Variants in LIFR observed in about 807,000 individuals in gnomAD.
LIFR encodes the protein LIF receptor subunit alpha.
A neutral mutation model predicts 122.2 loss-of-function variants in LIFR; 84 were observed. The observed-to-expected ratio is 0.69, with a 90% confidence interval of 0.58 to 0.82. The LOEUF (loss-of-function observed/expected upper bound fraction) is 0.82. Ranked by LOEUF, LIFR falls within the 40% of genes least tolerant of loss-of-function variation. The probability of loss-of-function intolerance (pLI) is 0.00; values close to 1 mark genes in which losing one functional copy is unlikely to be tolerated. For synonymous variants in LIFR, 422 were observed against 434.7 expected (o/e 0.97, Z 0.36); for missense variants, 1,294 against 1,311.6 (o/e 0.99, Z 0.21).
At chr5:38,491,699 A>G (rs534693172) in intron 14 of LIFR, among the ~76,000 whole-genome samples, 1 of 152,236 alleles carries the variant, frequency 6.6e-6, no homozygotes, top group Admixed American at 6.5e-5. Context: ...CATACAACCC[A>G]AGAAAAACTG....
At chr5:38,525,850 T>C (rs1746649845) in intron 4 of LIFR, among the ~76,000 whole-genome samples, 1 of 152,180 alleles carries the variant, frequency 6.6e-6, no homozygotes, top group African/African-American at 2.4e-5. Flanking sequence ...TGTAGTAACT[T>C]ACAATTTATG....
At chr5:38,514,684 C>A (rs375983674) in intron 5 of LIFR, among the ~76,000 whole-genome samples, 1 of 152,178 alleles carries the variant, frequency 6.6e-6, no homozygotes, top group African/African-American at 2.4e-5. Flanking sequence ...CTCTATTCAT[C>A]GCTCCACATC....
intron 17 of LIFR, among the ~76,000 whole-genome samples, chr5:38,485,124 G>A (rs116290053): frequency 6.9e-4 from 105 of 152,266 alleles, no homozygotes; most frequent in African/African-American, 2.4e-3. Flanking sequence ...ATCTTCACTA[G>A]AGGATCAGGG....
At chr5:38,507,085 C>T (rs1368392770) in intron 7 of LIFR, among the ~76,000 whole-genome samples, 1 of 152,062 alleles carries the variant, frequency 6.6e-6, no homozygotes, top group African/African-American at 2.4e-5. Flanking sequence ...TTTCAGAGTT[C>T]TAAAATACAT....
At chr5:38,522,563 C>T (rs1746458880) in intron 5 of LIFR, among the ~76,000 whole-genome samples, 1 of 152,108 alleles carries the variant, frequency 6.6e-6, no homozygotes, top group African/African-American at 2.4e-5. Context: ...CAATATATTA[C>T]AATTGCCTCC....
chr5:38,494,520 TG>T (rs151147040), intron 13 of LIFR, among the ~76,000 whole-genome samples: 1,875 of 152,182 alleles, frequency 0.012, 37 homozygotes, highest in African/African-American at 0.042. Flanking sequence ...GGCAAGGTTT[TG>T]TTTCCCTGTC....
At chr5:38,546,920 A>G (rs1273715206) in intron 1 of LIFR, among the ~76,000 whole-genome samples, 2 of 152,228 alleles carry the variant, frequency 1.3e-5, no homozygotes, top group Non-Finnish European at 2.9e-5. Context: ...GCTGGCCTTC[A>G]GGAAAGGGTG....
chr5:38,491,149 T>G (rs1346950106), intron 14 of LIFR, among the ~76,000 whole-genome samples: 1 of 152,198 alleles, frequency 6.6e-6, no homozygotes, highest in East Asian at 1.9e-4. Context: ...TTGGGTGAGT[T>G]AACTCCACAA....
intron 1 of LIFR, among the ~76,000 whole-genome samples, chr5:38,542,182 T>C (rs1229984032): frequency 2.0e-5 from 3 of 152,196 alleles, no homozygotes; most frequent in Non-Finnish European, 2.9e-5. Context: ...AAATCCCATC[T>C]CACCATAAGT....
rs567027526 is a variant in LIFR, at chr5:38,477,334, CATTTTCTTCTATGAAA to C, written c.*4245_*4260del. On this transcript the variant is annotated 3_prime_UTR_variant, in exon 20 of 20. Coordinates refer to ENST00000453190, the MANE Select transcript of LIFR (RefSeq NM_001127671.2). ...ATGTTCTGTAACTTTGGCCATAAAT[CATTTTCTTCTATGAAA>C]ATTTTCTTCTAGAATAAATAAGATG... 47 of 216,950 alleles carry C rather than the reference CATTTTCTTCTATGAAA, an allele frequency of 2.2e-4. No individual in the cohort carries two copies. Among genetic ancestry groups the C allele is most frequent in the South Asian group, 1.9e-4 (1 of 5,392 alleles). 13.4% of individuals were successfully genotyped at this position (216,950 alleles called of 1,614,324 possible).
At chr5:38,530,699 A>C in intron 1 of LIFR, 33 bp from the exon 2 acceptor site, 1 of 1,592,900 alleles carries the variant, frequency 6.3e-7, no homozygotes, top group Middle Eastern at 1.7e-4. Context: ...GATGGTGTTC[A>C]GATTGTTCTG....
At chr5:38,564,339 CAGCCTCCCAAGT>C (rs1554029364) in intron 1 of LIFR, among the ~76,000 whole-genome samples, 2 of 151,954 alleles carry the variant, frequency 1.3e-5, no homozygotes, top group Non-Finnish European at 1.5e-5. Context: ...CCTCCCACCT[CAGCCTCCCAAGT>C]AGCTGGGACT....
chr5:38,475,602 A>G lies in LIFR; in HGVS notation c.*5993T>C, dbSNP rs1407401859. ...AAAAAACTTAAAATATTTAACATATAATACTCACTTTAAAAAAACATTCAT... is the reference window on the plus strand; with the variant it reads ...AAAAAACTTAAAATATTTAACATATGATACTCACTTTAAAAAAACATTCAT... On this transcript the variant is annotated 3_prime_UTR_variant, in exon 20 of 20. Coordinates refer to ENST00000453190, the MANE Select transcript of LIFR (RefSeq NM_001127671.2). 1.6e-5 allele frequency: 3 copies of G among 186,990 alleles called. No individual in the cohort carries two copies. Among genetic ancestry groups the G allele is most frequent in the Non-Finnish European group, 3.4e-5 (3 of 88,474 alleles). 11.6% of individuals were successfully genotyped at this position (186,990 alleles called of 1,614,324 possible).
At chr5:38,568,246 C>T (rs62355831) in intron 1 of LIFR, among the ~76,000 whole-genome samples, 2 of 152,062 alleles carry the variant, frequency 1.3e-5, no homozygotes, top group African/African-American at 2.4e-5. Context: ...TGGGTTTAAA[C>T]GGATAGAGAA....
intron 1 of LIFR, among the ~76,000 whole-genome samples, chr5:38,562,176 A>G (rs1167244421): frequency 6.6e-6 from 1 of 152,130 alleles, no homozygotes; most frequent in African/African-American, 2.4e-5. Context: ...GTCCCAATTA[A>G]CTTCCATCTG....
chr5:38,556,828 A>G (rs1440216049), upstream of LIFR: 1 of 149,570 alleles, frequency 6.7e-6, no homozygotes, highest in Non-Finnish European at 1.5e-5. Context: ...CGGCCGCGCG[A>G]CGGGCCCCGG....
intron 18 of LIFR, among the ~76,000 whole-genome samples, chr5:38,483,185 C>G (rs1432403535): frequency 2.0e-5 from 3 of 152,124 alleles, no homozygotes; most frequent in African/African-American, 7.2e-5. Context: ...ACACTGCAGG[C>G]TGTGCTAAGA....
At chr5:38,527,994 A>G (rs1269739461) in intron 3 of LIFR, among the ~76,000 whole-genome samples, 1 of 152,032 alleles carries the variant, frequency 6.6e-6, no homozygotes, top group African/African-American at 2.4e-5. Context: ...GGTGCTTAGG[A>G]CTCTGGACTT....
At chr5:38,530,397 T>G in intron 2 of LIFR, 109 bp downstream of exon 2, 1 of 931,422 alleles carries the variant, frequency 1.1e-6, no homozygotes, top group Non-Finnish European at 1.7e-6. Flanking sequence ...AAAAATGAAT[T>G]TTAACCAACA....
Sources: gnomAD v4.1 joint callset for allele counts (sites outside exome capture counted in the v4.1 genomes callset) on GRCh38, gnomAD v4.1.1 for gene constraint, MANE v1.5 for transcripts, NCBI Gene and HGNC (gene_info 2026-07-23, HGNC 2026-07-21) for gene names.